Variants in ZNF732 observed in about 807,000 individuals in gnomAD.
ZNF732 encodes zinc finger protein 732, also known as zinc finger protein LOC654254.
In ZNF732, 12 loss-of-function variants were observed where a neutral mutation model predicts 11.5. That is an observed-to-expected ratio of 1.05 (90% CI 0.67 to 1.70). The LOEUF is 1.70. Ranked by LOEUF, ZNF732 falls within the 40% of genes most tolerant of loss-of-function variation. The probability of loss-of-function intolerance (pLI) is 0.00; values close to 1 mark genes in which losing one functional copy is unlikely to be tolerated. For missense variants in ZNF732, 702 were observed against 676.9 expected, an observed-to-expected ratio of 1.04 and a Z score of -0.41; for synonymous variants, 231 against 236.5, an observed-to-expected ratio of 0.98 and a Z score of 0.21.
chr4:303,925 T>C (rs1720172142), intron 1 of ZNF732, among the ~76,000 whole-genome samples: 1 of 152,140 alleles, frequency 6.6e-6, no homozygotes, highest in Admixed American at 6.5e-5. Context: ...AATAAAAGAC[T>C]AGTTTGTGCT....
At chr4:297,048 T>C (rs996415417) in intron 1 of ZNF732, among the ~76,000 whole-genome samples, 1 of 152,018 alleles carries the variant, frequency 6.6e-6, no homozygotes, top group Non-Finnish European at 1.5e-5. Context: ...GGTGGGGGGA[T>C]CACAAGGTCA....
chr4:276,053 T>A (rs1293318534), intron 3 of ZNF732, among the ~76,000 whole-genome samples: 1 of 151,678 alleles, frequency 6.6e-6, no homozygotes, highest in African/African-American at 2.4e-5. Flanking sequence ...AAACAATATA[T>A]AAAAGAGATG....
At chr4:295,991 A>C (rs781891556) in intron 2 of ZNF732, 38 bp downstream of exon 2, 29 of 1,597,006 alleles carry the variant, frequency 1.8e-5, no homozygotes, top group Middle Eastern at 3.3e-4. Context: ...AAACTCCCTG[A>C]GGGAGTATTA....
chr4:279,971 T>A (rs201806159), intron 3 of ZNF732, among the ~76,000 whole-genome samples: 1 of 152,190 alleles, frequency 6.6e-6, no homozygotes, highest in Admixed American at 6.5e-5. Context: ...GAATTACACA[T>A]ATATTTTAAA....
intron 3 of ZNF732, among the ~76,000 whole-genome samples, chr4:292,819 G>A (rs1468716795): frequency 1.3e-5 from 2 of 148,838 alleles, no homozygotes; most frequent in Non-Finnish European, 3.0e-5. Flanking sequence ...GGCTCAGGTG[G>A]GCGGATCACG....
rs540248868 is a variant in ZNF732, at chr4:299,760, G to C, written c.4-3605C>G. Reference sequence around the variant, plus strand: ...TGCCCAGGCTGGAGTGCAATGGCACGATATCAGCTGACCGCAACCTCTGGC... The same window carrying C: ...TGCCCAGGCTGGAGTGCAATGGCACCATATCAGCTGACCGCAACCTCTGGC... On this transcript the variant is annotated intron_variant, in intron 1 of 3. Coordinates refer to ENST00000419098, the MANE Select transcript of ZNF732 (RefSeq NM_001137608.3). Among the ~76,000 whole-genome samples, 135 of 144,250 alleles carry C rather than the reference G, an allele frequency of 9.4e-4. 1 individual carries two copies. The highest frequency in any genetic ancestry group is 1.7e-3 in the Non-Finnish European group (113 of 66,666). The allele number at this position is 144,250 out of a possible 152,430, so 94.6% of individuals were successfully genotyped here.
intron 3 of ZNF732, among the ~76,000 whole-genome samples, chr4:273,271 G>C (rs377155888): frequency 2.0e-5 from 3 of 152,040 alleles, no homozygotes; most frequent in Non-Finnish European, 2.9e-5. Context: ...ACATGTATGA[G>C]AGGTTACTAT....
At chr4:283,469 T>C (rs1719657163) in intron 3 of ZNF732, among the ~76,000 whole-genome samples, 1 of 151,530 alleles carries the variant, frequency 6.6e-6, no homozygotes, top group Non-Finnish European at 1.5e-5. Context: ...TAGAAGTGGC[T>C]ATATTTACAT....
In ZNF732 at chr4:299,420, T is replaced by C. The variant is rs1473062283; in HGVS notation, c.4-3265A>G. 6.8e-5 allele frequency among the ~76,000 whole-genome samples: 7 copies of C among 103,598 alleles called. 1 individual carries two copies. The highest frequency in any genetic ancestry group is 1.8e-4 in the African/African-American group (5 of 27,246). 68.0% of individuals were successfully genotyped at this position (103,598 alleles called of 152,430 possible). A position where few individuals can be genotyped will look rare whatever the true frequency, so the allele number is the denominator to read the frequency against. On this transcript the variant is annotated intron_variant, in intron 1 of 3. Transcript: ENST00000419098. ...ACATATGTGTATATATATATACACA[T>C]ATATACACATATGTGTATATATATA...
intron 3 of ZNF732, among the ~76,000 whole-genome samples, chr4:279,888 A>G (rs1206379652): frequency 6.6e-6 from 1 of 152,218 alleles, no homozygotes; most frequent in Non-Finnish European, 1.5e-5. Context: ...AGAAAAATTT[A>G]TAAACCAGGT....
At chr4:301,905 C>G (rs1720125864) in intron 1 of ZNF732, among the ~76,000 whole-genome samples, 1 of 152,086 alleles carries the variant, frequency 6.6e-6, no homozygotes, top group African/African-American at 2.4e-5. Context: ...AAAAGAAGTT[C>G]TCAGGTTTAA....
intron 3 of ZNF732, among the ~76,000 whole-genome samples, chr4:287,460 C>T (rs1296157724): frequency 6.6e-6 from 1 of 151,896 alleles, no homozygotes; most frequent in Non-Finnish European, 1.5e-5. Flanking sequence ...GGTGATCCAC[C>T]CGCCTCGGCC....
chr4:287,075 C>T (rs890024556), intron 3 of ZNF732, among the ~76,000 whole-genome samples: 2 of 151,988 alleles, frequency 1.3e-5, no homozygotes, highest in Non-Finnish European at 2.9e-5. Flanking sequence ...GGCGTGAACC[C>T]GGGAGGCGAA....
intron 1 of ZNF732, among the ~76,000 whole-genome samples, chr4:300,700 G>A (rs1239650523): frequency 6.6e-6 from 1 of 152,154 alleles, no homozygotes; most frequent in East Asian, 1.9e-4. Flanking sequence ...TTGGAGGGCT[G>A]GTGAGCTATG....
chr4:296,004 A>C (rs192364859), intron 2 of ZNF732, 25 bp downstream of exon 2: 4 of 1,605,734 alleles, frequency 2.5e-6, no homozygotes, highest in African/African-American at 1.3e-5. Context: ...GAGTATTAGG[A>C]ATTATTTACT....
At chr4:283,488 A>G (rs1553840158) in intron 3 of ZNF732, among the ~76,000 whole-genome samples, 1 of 152,026 alleles carries the variant, frequency 6.6e-6, no homozygotes, top group Non-Finnish European at 1.5e-5. Flanking sequence ...ATCAGACAAA[A>G]TAGACTTCTA....
intron 3 of ZNF732, among the ~76,000 whole-genome samples, chr4:277,913 G>A (rs1050971484): frequency 1.9e-4 from 28 of 150,366 alleles, no homozygotes; most frequent in Admixed American, 1.9e-3. Flanking sequence ...GTATGTCAAA[G>A]AGAAATCTAC....
At chr4:283,449 TAA>T (rs1277494024) in intron 3 of ZNF732, among the ~76,000 whole-genome samples, 2 of 149,770 alleles carry the variant, frequency 1.3e-5, no homozygotes, top group African/African-American at 4.9e-5. Flanking sequence ...CAGTAATAAC[TAA>T]AAGAGTATAG....
At chr4:299,526 TATATATAC>T in intron 1 of ZNF732, among the ~76,000 whole-genome samples, 1 of 135,980 alleles carries the variant, frequency 7.4e-6, no homozygotes, top group Non-Finnish European at 1.6e-5. Context: ...TATATATGTG[TATATATAC>T]ATATATACAC....
Sources: gnomAD v4.1 joint callset for allele counts (sites outside exome capture counted in the v4.1 genomes callset) on GRCh38, gnomAD v4.1.1 for gene constraint, MANE v1.5 for transcripts, NCBI Gene and HGNC (gene_info 2026-07-23, HGNC 2026-07-21) for gene names.